The following TANC2 variants were observed in gnomAD, a reference collection of about 807,000 sequenced individuals.
TANC2 encodes tetratricopeptide repeat, ankyrin repeat and coiled-coil containing 2.
In TANC2, 26 loss-of-function variants were observed where a neutral mutation model predicts 210.5. That is an observed-to-expected ratio of 0.12 (90% CI 0.09 to 0.17). The LOEUF (loss-of-function observed/expected upper bound fraction) is 0.17, where lower values mean the gene tolerates loss of function less well. TANC2 is among the 10% of genes least tolerant of loss of function. The pLI is 1.00. For missense variants in TANC2, 2,129 were observed against 2,608.9 expected (o/e 0.82, Z 4.01); for synonymous variants, 931 against 967.1 (o/e 0.96, Z 0.69).
At chr17:63,166,787 T>G (rs773435310) in intron 5 of TANC2, among the ~76,000 whole-genome samples, 2 of 152,194 alleles carry the variant, frequency 1.3e-5, no homozygotes, top group Non-Finnish European at 2.9e-5. Context: ...TACAAAAGCT[T>G]CTTTTCTCAT....
intron 7 of TANC2, among the ~76,000 whole-genome samples, chr17:63,233,385 C>G (rs1250432907): frequency 6.6e-6 from 1 of 152,150 alleles, no homozygotes; most frequent in Non-Finnish European, 1.5e-5. Context: ...GTGGGTTGCA[C>G]AGATCCATGG....
intron 25 of TANC2, among the ~76,000 whole-genome samples, chr17:63,414,716 T>C (rs1280776258): frequency 6.6e-6 from 1 of 152,128 alleles, no homozygotes; most frequent in Non-Finnish European, 1.5e-5. Context: ...CTGGGATCCC[T>C]GTGGAGTTGT....
intron 7 of TANC2, among the ~76,000 whole-genome samples, chr17:63,233,114 G>A (rs918080633): frequency 2.0e-5 from 3 of 152,176 alleles, no homozygotes; most frequent in Non-Finnish European, 4.4e-5. Flanking sequence ...ACCAGTAGGG[G>A]AAAAACAGCA....
At chr17:63,423,641 G>A (rs922049652) in exon 28 of TANC2, 2 of 152,216 alleles carry the variant, frequency 1.3e-5, no homozygotes, top group African/African-American at 4.8e-5. Context: ...GCCCTTTGAA[G>A]GGATCATTAA....
At chr17:63,309,893 A>G (rs2045058460) in intron 9 of TANC2, among the ~76,000 whole-genome samples, 1 of 152,204 alleles carries the variant, frequency 6.6e-6, no homozygotes. Context: ...CAAACCCAAT[A>G]TGAATAAGAT....
intron 7 of TANC2, among the ~76,000 whole-genome samples, chr17:63,226,053 A>G (rs2042320564): frequency 6.6e-6 from 1 of 152,172 alleles, no homozygotes; most frequent in Non-Finnish European, 1.5e-5. Flanking sequence ...CTTGCACTAG[A>G]TCTTATCACT....
intron 4 of TANC2, among the ~76,000 whole-genome samples, chr17:63,105,091 A>G (rs573455075): frequency 6.6e-6 from 1 of 151,828 alleles, no homozygotes; most frequent in African/African-American, 2.4e-5. Flanking sequence ...ATGTGTTCTG[A>G]GCTTTTGCAA....
intron 2 of TANC2, among the ~76,000 whole-genome samples, chr17:63,042,107 T>G (rs239364): frequency 0.087 from 13,215 of 152,172 alleles, 749 homozygotes; most frequent in African/African-American, 0.16. Flanking sequence ...TACCAAATAT[T>G]CAACCCTTCT....
intron 1 of TANC2, among the ~76,000 whole-genome samples, chr17:62,967,833 A>T (rs899445802): frequency 1.1e-5 from 1 of 88,594 alleles, no homozygotes; most frequent in Non-Finnish European, 2.4e-5. Flanking sequence ...ATGGTGAAAT[A>T]AAAAAAAAAA....
At chr17:63,348,652 C>T (rs543411068) in intron 12 of TANC2, among the ~76,000 whole-genome samples, 18 of 152,108 alleles carry the variant, frequency 1.2e-4, no homozygotes, top group Non-Finnish European at 8.8e-5. Context: ...ATATGGTGAT[C>T]GTGGATGGTA....
At chr17:63,362,588 C>T (rs1423768453) in intron 14 of TANC2, among the ~76,000 whole-genome samples, 1 of 152,246 alleles carries the variant, frequency 6.6e-6, no homozygotes, top group Admixed American at 6.5e-5. Context: ...CTCAGCCTCC[C>T]TCCCATGCTC....
At chr17:63,144,495 A>G (rs2039399010) in intron 4 of TANC2, among the ~76,000 whole-genome samples, 1 of 152,194 alleles carries the variant, frequency 6.6e-6, no homozygotes, top group Non-Finnish European at 1.5e-5. Flanking sequence ...TCTAGCTACA[A>G]TAATATACAT....
In TANC2 at chr17:63,197,719, A is replaced by G. The variant is rs1019474013; in HGVS notation, c.583-3052A>G. 2.6e-5 allele frequency: 4 copies of G among 152,210 alleles called. No homozygotes were observed. In the East Asian group the frequency reaches 7.7e-4, roughly 29 times the overall value. 9.4% of individuals were successfully genotyped at this position (152,210 alleles called of 1,614,324 possible). A position where few individuals can be genotyped will look rare whatever the true frequency, so the allele number is the denominator to read the frequency against. Reference sequence around the variant, plus strand: ...ATGTTGTGTATTTGTAGGACCTTTAAGAGATCCAGATTGGGAGCTTTCTTA... The same window carrying G: ...ATGTTGTGTATTTGTAGGACCTTTAGGAGATCCAGATTGGGAGCTTTCTTA... On this transcript the variant is annotated intron_variant, in intron 6 of 27. Coordinates refer to ENST00000689528, the Ensembl canonical transcript of TANC2.
chr17:62,969,090 T>A (rs2031534868), intron 1 of TANC2, among the ~76,000 whole-genome samples: 1 of 152,104 alleles, frequency 6.6e-6, no homozygotes, highest in African/African-American at 2.4e-5. Flanking sequence ...TTGAAAAAAA[T>A]CTGCATAGGA....
At chr17:63,145,015 C>A (rs2039417581) in intron 4 of TANC2, among the ~76,000 whole-genome samples, 1 of 151,448 alleles carries the variant, frequency 6.6e-6, no homozygotes, top group African/African-American at 2.4e-5. Flanking sequence ...ACTGGTTTTT[C>A]CTTCTCTCTG....
At chr17:63,190,833 G>A (rs549845215) in intron 5 of TANC2, among the ~76,000 whole-genome samples, 35 of 152,188 alleles carry the variant, frequency 2.3e-4, no homozygotes, top group Non-Finnish European at 4.0e-4. Flanking sequence ...GTATGTCAAA[G>A]AATTTTCTTA....
At chr17:63,284,012 A>G (rs1204548651) in intron 9 of TANC2, among the ~76,000 whole-genome samples, 1 of 151,958 alleles carries the variant, frequency 6.6e-6, no homozygotes, top group Non-Finnish European at 1.5e-5. Flanking sequence ...GTAGAAACAA[A>G]GAGAGCGGAA....
intron 12 of TANC2, among the ~76,000 whole-genome samples, chr17:63,342,304 C>A (rs545846845): frequency 3.0e-4 from 46 of 152,110 alleles, no homozygotes; most frequent in Non-Finnish European, 5.0e-4. Context: ...TTGTACTTAT[C>A]CCTTTGAGTA....
chr17:63,421,873 A>G lies in TANC2; in HGVS notation c.6143A>G (p.Tyr2048Cys). 6.2e-7 allele frequency: 1 copy of G among 1,614,022 alleles called. No homozygotes were observed. The highest frequency in any genetic ancestry group is 8.5e-7 in the Non-Finnish European group (1 of 1,179,886). The change falls in exon 28 of 28, where the codon TAC becomes TGC. Residue 2048 changes from tyrosine (Y) to cysteine (C), a missense_variant. Tyr to Cys is a radical substitution (Grantham distance 194). Coordinates refer to ENST00000689528, the Ensembl canonical transcript of TANC2. This position sits in a 1 kb window ranked among gnomAD's most constrained non-coding sequence, Gnocchi z 6.9. The stretch of plus-strand genomic sequence containing the variant: ...GCTCAGGCATACCAGGACAACCTGT[A>G]CAGGCAGCTGTCCCGAGACTCTCGG...
Sources: gnomAD v4.1 joint callset for allele counts (sites outside exome capture counted in the v4.1 genomes callset) on GRCh38, gnomAD v4.1.1 for gene constraint, Gnocchi (gnomAD v3.1) non-coding constraint, MANE v1.5 for transcripts, NCBI Gene and HGNC (gene_info 2026-07-23, HGNC 2026-07-21) for gene names.